Variants in GEMIN4 observed in about 807,000 individuals in gnomAD.
GEMIN4 encodes gem-associated protein 4.
Under a neutral mutation model 76.8 loss-of-function variants are expected in GEMIN4, and 59 were observed. That is an observed-to-expected ratio of 0.77 (90% CI 0.62 to 0.95). GEMIN4 has a LOEUF of 0.95. Ranked by LOEUF, GEMIN4 falls within the 40% of genes least tolerant of loss-of-function variation. The pLI is 0.00. For missense variants in GEMIN4, 1,311 were observed against 1,318.9 expected (o/e 0.99, Z 0.09); for synonymous variants, 562 against 559.7 (o/e 1.00, Z -0.06).
chr17:746,466 A>C lies in GEMIN4; in HGVS notation c.1577T>G (p.Leu526Arg). ...AGTGAGCTGGTTAAAAGTTGTATTGAGGTCTTCCTGAAAACCCTCCACATA... is the reference window on the plus strand; with the variant it reads ...AGTGAGCTGGTTAAAAGTTGTATTGCGGTCTTCCTGAAAACCCTCCACATA... ...LAYVEGFQED[L>R]NTTFNQLTQS... is the part of the protein sequence containing the mutation. Residue 526 changes from leucine (L) to arginine (R), a missense_variant, in exon 2 of 2, where the codon CTC becomes CGC. This residue lies in a region of GEMIN4 where 1,208 missense variants were observed against 1,166.9 expected (regional missense o/e 1.04). Transcript: ENST00000319004. This position sits in a 1 kb window ranked among gnomAD's most constrained non-coding sequence, Gnocchi z 4.3. 6.2e-7 allele frequency: 1 copy of C among 1,613,966 alleles called. No individual in the cohort carries two copies. The highest frequency in any genetic ancestry group is 1.1e-5 in the South Asian group (1 of 91,076).
rs754373508 is a variant in GEMIN4 at position 745,263 on chromosome 17, C to T, written c.2780G>A (p.Cys927Tyr). ...RTFQFLCSHS[C>Y]RDWLPLEGWN... ...GCCTTCCAGAGGAAGCCAATCACGA[C>T]AGCTATGGCTGCAGAGAAACTGGAA... The change falls in exon 2 of 2, where the codon TGT (cysteine) becomes TAT (tyrosine). Residue 927 changes from cysteine to tyrosine, a missense_variant. By Grantham distance (194) the Cys-to-Tyr change is radical (BLOSUM62 -2). This residue lies in a region of GEMIN4 where 1,208 missense variants were observed against 1,166.9 expected (regional missense o/e 1.04). Coordinates refer to ENST00000319004, the MANE Select transcript of GEMIN4 (RefSeq NM_015721.3). This position sits in a 1 kb window ranked among gnomAD's most constrained non-coding sequence, Gnocchi z 4.6. The T allele has an allele frequency of 6.2e-7, 1 of 1,611,140 alleles. No homozygotes were observed. The highest frequency in any genetic ancestry group is 8.5e-7 in the Non-Finnish European group (1 of 1,179,180).
rs1272733444 is a variant in GEMIN4 at position 745,581 on chromosome 17, C to T, written c.2462G>A (p.Cys821Tyr). The T allele has an allele frequency of 3.1e-6, 5 of 1,611,838 alleles. No individual in the cohort carries two copies. The highest frequency in any genetic ancestry group is 1.7e-6 in the Non-Finnish European group (2 of 1,179,438). ...CGAGATGCCGCTGGAGACGCAGCAG[C>T]ACTCCATCCAGGCCAGGAGCCCCGT... ...AGTGLLAWME[C>Y]CCVSSGISER... Residue 821 changes from cysteine (C) to tyrosine (Y), a missense_variant, in exon 2 of 2, where the codon TGC becomes TAC. Coordinates refer to ENST00000319004, the MANE Select transcript of GEMIN4 (RefSeq NM_015721.3). The surrounding 1 kb of genome is among the most constrained non-coding windows in gnomAD (Gnocchi z 4.6).
intron 1 of GEMIN4, among the ~76,000 whole-genome samples, chr17:750,384 TGA>T (rs1192460366): frequency 6.6e-6 from 1 of 152,096 alleles, no homozygotes; most frequent in Non-Finnish European, 1.5e-5. Context: ...GATGGATAAA[TGA>T]GATAGAGCTA....
In GEMIN4 at chr17:747,259, C is replaced by T; in HGVS notation, c.784G>A (p.Ala262Thr). 1 of 1,613,824 alleles carries T rather than the reference C, an allele frequency of 6.2e-7. No homozygotes were observed. The highest frequency in any genetic ancestry group is 8.5e-7 in the Non-Finnish European group (1 of 1,179,870). Residue 262 changes from alanine to threonine, a missense_variant, in exon 2 of 2, where the codon GCA becomes ACA. Physicochemically the swap from Ala to Thr is moderately conservative, Grantham distance 58. Transcript: ENST00000319004. ...LTEDDPQEVS[A>T]TVYLDKLATV... ...GCCAGTTTGTCCAGATACACGGTTG[C>T]AGACACCTCCTGGGGGTCGTCCTCT...
At chr17:753,593 ATCACT>A (rs1904866300), upstream of GEMIN4, 1 of 154,238 alleles carries the variant, frequency 6.5e-6, no homozygotes, top group Admixed American at 6.5e-5. Flanking sequence ...ACATCAATAA[ATCACT>A]TAAACTGCAT....
At position 747,511 on chromosome 17, in the gene GEMIN4, G is replaced by A. The variant is rs370503352; in HGVS notation, c.532C>T (p.Leu178=). ...MKHKGHPQDP[L]LSQFSAMAHK... is the part of the protein sequence containing the mutation. ...GCCATTGCACTAAACTGGGAGAGCA[G>A]GGGGTCCTGCGGGTGACCCTTGTGC... The change falls in exon 2 of 2, where the codon CTG becomes TTG. Residue 178 remains leucine, a synonymous_variant. Transcript: ENST00000319004. The A allele has an allele frequency of 1.9e-6, 3 of 1,613,720 alleles. No individual in the cohort carries two copies. The highest frequency in any genetic ancestry group is 1.1e-5 in the South Asian group (1 of 91,076).
At chr17:748,067 G>GA in intron 1 of GEMIN4, 35 bp from the exon 2 acceptor site, 2 of 1,513,010 alleles carry the variant, frequency 1.3e-6, no homozygotes, top group East Asian at 2.3e-5. Flanking sequence ...ACAGTATAGT[G>GA]AAAATGTTTC....
In GEMIN4 at chr17:746,516, C is replaced by T. The variant is rs1391846327; in HGVS notation, c.1527G>A (p.Lys509=). The change falls in exon 2 of 2, where the codon AAG becomes AAA. Residue 509 remains lysine, a synonymous_variant. Coordinates refer to ENST00000319004, the MANE Select transcript of GEMIN4 (RefSeq NM_015721.3). This position sits in a 1 kb window ranked among gnomAD's most constrained non-coding sequence, Gnocchi z 4.3. ...AAGCCAGCAACTTTTCAGAGAGGCC[C>T]TTTCGCCCCCAGGAACGCAGGATAC... is the stretch of plus-strand genomic sequence containing the variant. ...LAGILRSWGR[K]GLSEKLLAYV... is the part of the protein sequence containing the mutation. 1 of 1,613,992 alleles carries T rather than the reference C, an allele frequency of 6.2e-7. No individual in the cohort carries two copies. The highest frequency in any genetic ancestry group is 8.5e-7 in the Non-Finnish European group (1 of 1,179,894).
In GEMIN4 at chr17:745,690, C is replaced by T. The variant is rs1240810419; in HGVS notation, c.2353G>A (p.Glu785Lys). The T allele has an allele frequency of 6.3e-7, 1 of 1,597,050 alleles. No individual in the cohort carries two copies. The highest frequency in any genetic ancestry group is 1.3e-5 in the African/African-American group (1 of 74,626). Reference protein sequence around the residue: ...KSFFEGHFKCEVPATLFEICK... With the variant: ...KSFFEGHFKCKVPATLFEICK... ...ATCTCAAAAAGTGTGGCTGGCACTT[C>T]ACACTTGAAGTGCCCCTCGAAGAAG... Residue 785 changes from glutamate (E) to lysine (K), a missense_variant, in exon 2 of 2, where the codon GAA becomes AAA. By Grantham distance (56) the Glu-to-Lys change is moderately conservative (BLOSUM62 1). Transcript: ENST00000319004. This position sits in a 1 kb window ranked among gnomAD's most constrained non-coding sequence, Gnocchi z 4.6.
intron 1 of GEMIN4, among the ~76,000 whole-genome samples, chr17:751,386 G>A (rs916481029): frequency 6.6e-6 from 1 of 152,100 alleles, no homozygotes; most frequent in Non-Finnish European, 1.5e-5. Flanking sequence ...CTGTCTGGGG[G>A]CGGGGACCAG....
upstream of GEMIN4, chr17:752,717 T>C: frequency 1.4e-6 from 1 of 737,708 alleles, no homozygotes; most frequent in South Asian, 6.0e-5. Flanking sequence ...AAATGCGCCG[T>C]GTGAGCCCAA....
upstream of GEMIN4, chr17:752,382 AC>A (rs1335425483): frequency 9.7e-6 from 9 of 923,486 alleles, no homozygotes; most frequent in Admixed American, 8.7e-5. Context: ...GCCCTCAGGT[AC>A]CCGGACGTCG....
At chr17:751,384 G>A (rs989350852) in intron 1 of GEMIN4, among the ~76,000 whole-genome samples, 4 of 152,194 alleles carry the variant, frequency 2.6e-5, no homozygotes, top group Admixed American at 2.0e-4. Flanking sequence ...AGCTGTCTGG[G>A]GGCGGGGACC....
At position 747,602 on chromosome 17, in the gene GEMIN4, A is replaced by T; in HGVS notation, c.441T>A (p.His147Gln). ...CTTCGGCAGAAGTGTCAACGGTCAC[A>T]TGTTCCAGAAAGCGCTCTAGTTCTG... ...CHAELERFLE[H>Q]VTVDTSAEDV... The change falls in exon 2 of 2, where the codon CAT becomes CAA. Residue 147 changes from histidine (H) to glutamine (Q), a missense_variant. Around this residue, in one of 2 missense-constraint regions of GEMIN4, gnomAD observed 1,208 missense variants for 1,166.9 expected, o/e 1.04. Coordinates refer to ENST00000319004, the MANE Select transcript of GEMIN4 (RefSeq NM_015721.3). 1 of 1,613,968 alleles carries T rather than the reference A, an allele frequency of 6.2e-7. No individual in the cohort carries two copies.
At position 745,701 on chromosome 17, in the gene GEMIN4, T is replaced by A; in HGVS notation, c.2342A>T (p.His781Leu). The A allele has an allele frequency of 6.3e-7, 1 of 1,599,600 alleles. No homozygotes were observed. The highest frequency in any genetic ancestry group is 8.5e-7 in the Non-Finnish European group (1 of 1,173,526). Residue 781 changes from histidine to leucine, a missense_variant, in exon 2 of 2, where the codon CAC becomes CTC. This residue lies in a region of GEMIN4 where 1,208 missense variants were observed against 1,166.9 expected (regional missense o/e 1.04). Transcript: ENST00000319004. The surrounding 1 kb of genome is among the most constrained non-coding windows in gnomAD (Gnocchi z 4.6). ...TGTGGCTGGCACTTCACACTTGAAGTGCCCCTCGAAGAAGCTCTTCAGCCT... is the reference window on the plus strand; with the variant it reads ...TGTGGCTGGCACTTCACACTTGAAGAGCCCCTCGAAGAAGCTCTTCAGCCT... ...GLRLKSFFEG[H>L]FKCEVPATLF... is the part of the protein sequence containing the mutation.
At position 746,276 on chromosome 17, in the gene GEMIN4, C is replaced by T; in HGVS notation, c.1767G>A (p.Arg589=). ...AQILTAFPAL[R]FVEEQGPNSS... is the part of the protein sequence containing the mutation. Reference sequence around the variant, plus strand: ...AATTGGGACCCTGCTCTTCCACAAACCTAAGGGCAGGGAAGGCAGTGAGAA... The same window carrying T: ...AATTGGGACCCTGCTCTTCCACAAATCTAAGGGCAGGGAAGGCAGTGAGAA... The change falls in exon 2 of 2, where the codon AGG becomes AGA. Residue 589 remains arginine, a synonymous_variant. Transcript: ENST00000319004. This position sits in a 1 kb window ranked among gnomAD's most constrained non-coding sequence, Gnocchi z 4.3. 1 of 1,613,780 alleles carries T rather than the reference C, an allele frequency of 6.2e-7. No individual in the cohort carries two copies. The highest frequency in any genetic ancestry group is 1.1e-5 in the South Asian group (1 of 91,082).
At position 747,142 on chromosome 17, in the gene GEMIN4, T is replaced by A. The variant is rs1422548712; in HGVS notation, c.901A>T (p.Ser301Cys). ...GGGAGTTTGGCCAGCGAGGTCAGGC[T>A]GACATCCCGTTCTGCCTCCTTCACC... ...EKVKEAERDV[S>C]LTSLAKLPSE... Residue 301 changes from serine to cysteine, a missense_variant, in exon 2 of 2, where the codon AGC (serine) becomes TGC (cysteine). Physicochemically the swap from Ser to Cys is moderately radical, Grantham distance 112 (BLOSUM62 -1). Transcript: ENST00000319004. The A allele has an allele frequency of 1.9e-6, 3 of 1,613,836 alleles. No homozygotes were observed. The highest frequency in any genetic ancestry group is 2.2e-5 in the South Asian group (2 of 91,088).
Position 744,732 on chromosome 17 carries a change from T to TA in GEMIN4, c.*133dup. On this transcript the variant is annotated 3_prime_UTR_variant, in exon 2 of 2. Coordinates refer to ENST00000319004, the MANE Select transcript of GEMIN4 (RefSeq NM_015721.3). ...TTTTGTGGACAGTTTCACATAACTG[T>TA]AAAGTCCAGGCTGCTCGGGTCTGAC... is the stretch of plus-strand genomic sequence containing the variant. 1.1e-6 allele frequency: 1 copy of TA among 875,244 alleles called. No homozygotes were observed. Among genetic ancestry groups the TA allele is most frequent in the Non-Finnish European group, 1.7e-6 (1 of 592,860 alleles). 54.2% of individuals were successfully genotyped at this position (875,244 alleles called of 1,614,324 possible). A position where few individuals can be genotyped will look rare whatever the true frequency, so the allele number is the denominator to read the frequency against.
At chr17:749,428 T>C (rs1181556239) in intron 1 of GEMIN4, 4 of 135,318 alleles carry the variant, frequency 3.0e-5, no homozygotes, top group African/African-American at 3.4e-5. Context: ...CACAGGGTAA[T>C]GGGCACAGAA....
Sources: gnomAD v4.1 joint callset for allele counts (sites outside exome capture counted in the v4.1 genomes callset) on GRCh38, gnomAD v4.1.1 for gene constraint, gnomAD v4.1.1 regional missense constraint, Gnocchi (gnomAD v3.1) non-coding constraint, MANE v1.5 for transcripts, NCBI Gene and HGNC (gene_info 2026-07-23, HGNC 2026-07-21) for gene names.